The following HSPA12A variants were observed in gnomAD, a reference collection of about 807,000 sequenced individuals.
HSPA12A encodes heat shock protein family A (Hsp70) member 12A, also known as heat shock 70 kDa protein 12A.
Under a neutral mutation model 69.2 loss-of-function variants are expected in HSPA12A, and 28 were observed. That is an observed-to-expected ratio of 0.40 (90% CI 0.30 to 0.55). HSPA12A has a LOEUF of 0.55. HSPA12A is among the 20% of genes least tolerant of loss of function. The pLI is 0.38. For missense variants in HSPA12A, 686 were observed against 900.7 expected (o/e 0.76, Z 3.05); for synonymous variants, 345 against 370.5 (o/e 0.93, Z 0.79).
chr10:116,846,801 C>CT, intron 1 of HSPA12A, among the ~76,000 whole-genome samples: 1 of 152,146 alleles, frequency 6.6e-6, no homozygotes, highest in Non-Finnish European at 1.5e-5. Flanking sequence ...TCTTTTCAGA[C>CT]TTTTTTCTAT....
At chr10:116,788,883 T>TTTTTA (rs1844638267) in intron 2 of HSPA12A, among the ~76,000 whole-genome samples, 1 of 148,604 alleles carries the variant, frequency 6.7e-6, no homozygotes, top group Admixed American at 6.7e-5. Flanking sequence ...TTTTTTTTTT[T>TTTTTA]GAGACAGAGT....
At chr10:116,787,256 C>A (rs1192361578) in intron 2 of HSPA12A, among the ~76,000 whole-genome samples, 4 of 151,926 alleles carry the variant, frequency 2.6e-5, no homozygotes, top group African/African-American at 9.7e-5. Context: ...CTAGAAGGGC[C>A]TCTACCCTCT....
At chr10:116,818,097 C>T (rs983877199) in intron 2 of HSPA12A, among the ~76,000 whole-genome samples, 1 of 152,328 alleles carries the variant, frequency 6.6e-6, no homozygotes, top group African/African-American at 2.4e-5. Context: ...CTTTCCCTGG[C>T]CACACACTGC....
intron 2 of HSPA12A, among the ~76,000 whole-genome samples, chr10:116,805,574 T>C (rs1257277959): frequency 1.3e-5 from 2 of 152,050 alleles, no homozygotes; most frequent in Admixed American, 1.3e-4. Context: ...CTGTTTCCGT[T>C]GATGTTGGGC....
At chr10:116,783,248 G>A (rs1336060041) in intron 2 of HSPA12A, among the ~76,000 whole-genome samples, 1 of 152,184 alleles carries the variant, frequency 6.6e-6, no homozygotes, top group Non-Finnish European at 1.5e-5. Context: ...ATCAGGAGAG[G>A]CTTTGATGAG....
rs567708524 is a variant in HSPA12A at position 116,808,867 on chromosome 10, T to C, written c.91+26068A>G. On this transcript the variant is annotated intron_variant, in intron 2 of 12. Coordinates refer to the HSPA12A transcript ENST00000635765. ...CACCGCCGTTCCTATGTTCAGACTT[T>C]CCTACAGTAGGCTACCGTAGGGTCA... 2.6e-5 allele frequency among the ~76,000 whole-genome samples: 4 copies of C among 152,276 alleles called. No homozygotes were observed. In the South Asian group the frequency reaches 8.3e-4, roughly 32 times the overall value.
rs1845787872 is a variant in HSPA12A at position 116,840,596 on chromosome 10, A to G, written c.4-5574T>C. Among the ~76,000 whole-genome samples, 5 of 152,344 alleles carry G rather than the reference A, an allele frequency of 3.3e-5. No individual in the cohort carries two copies. The South Asian group carries it at 8.3e-4, about 25-fold the overall frequency. ...GTCCATGGTTAATAGGAATCTCAACAAGTGTTGGCTGAGAATAATTTTACA... is the reference window on the plus strand; with the variant it reads ...GTCCATGGTTAATAGGAATCTCAACGAGTGTTGGCTGAGAATAATTTTACA... On this transcript the variant is annotated intron_variant, in intron 1 of 12. Transcript: ENST00000635765.
chr10:116,760,025 A>T (rs1202133022), intron 2 of HSPA12A, among the ~76,000 whole-genome samples: 10 of 152,160 alleles, frequency 6.6e-5, no homozygotes, highest in Non-Finnish European at 1.5e-4. Flanking sequence ...TAAATTGCCC[A>T]GTCTTGGGTA....
intron 2 of HSPA12A, among the ~76,000 whole-genome samples, chr10:116,814,423 G>A (rs1845258043): frequency 6.6e-6 from 1 of 152,156 alleles, no homozygotes; most frequent in Non-Finnish European, 1.5e-5. Flanking sequence ...GCTCACCTGT[G>A]ACATATCTCA....
At chr10:116,744,568 T>G (rs561545170), upstream of HSPA12A, among the ~76,000 whole-genome samples, 1 of 152,322 alleles carries the variant, frequency 6.6e-6, no homozygotes, top group South Asian at 2.1e-4. Context: ...CAGGCCCCAG[T>G]GCTGGGGGCA....
chr10:116,691,064 G>T (rs2921969), intron 6 of HSPA12A, among the ~76,000 whole-genome samples: 79,400 of 152,036 alleles, frequency 0.52, 21,137 homozygotes, highest in Middle Eastern at 0.65. Flanking sequence ...ACTGCATTTT[G>T]TAATTCTCTT....
intron 1 of HSPA12A, among the ~76,000 whole-genome samples, chr10:116,724,819 G>C (rs916985310): frequency 6.6e-6 from 1 of 152,116 alleles, no homozygotes; most frequent in Non-Finnish European, 1.5e-5. Context: ...CCCAGCCATA[G>C]CCCTGGTCCT....
chr10:116,807,301 G>A (rs146848832), intron 2 of HSPA12A, among the ~76,000 whole-genome samples: 1 of 151,980 alleles, frequency 6.6e-6, no homozygotes, highest in East Asian at 1.9e-4. Flanking sequence ...TCAACCTAAC[G>A]GCCATAGCTC....
At position 116,811,579 on chromosome 10, in the gene HSPA12A, TAAAAAAAAAAA is replaced by T. The variant is rs60912684; in HGVS notation, c.91+23345_91+23355del. 3.7e-4 allele frequency among the ~76,000 whole-genome samples: 39 copies of T among 105,932 alleles called. 1 individual carries two copies. The highest frequency in any genetic ancestry group is 2.3e-3 in the Admixed American group (23 of 9,888). The allele number at this position is 105,932 out of a possible 152,430, so 69.5% of individuals were successfully genotyped here. A position where few individuals can be genotyped will look rare whatever the true frequency, so the allele number is the denominator to read the frequency against. ...AACTTGGATTCCTCTTTGCTTTTGT[TAAAAAAAAAAA>T]AAAAAAAAAAAAAAAGATTGGCCTT... On this transcript the variant is annotated intron_variant, in intron 2 of 12. Transcript: ENST00000635765.
intron 5 of HSPA12A, among the ~76,000 whole-genome samples, chr10:116,694,023 G>A (rs1828357798): frequency 2.6e-5 from 4 of 152,182 alleles, no homozygotes; most frequent in South Asian, 2.1e-4. Flanking sequence ...TCTAAGCATG[G>A]CACCCATTAC....
At chr10:116,801,959 G>C (rs1844966135) in intron 2 of HSPA12A, among the ~76,000 whole-genome samples, 1 of 152,140 alleles carries the variant, frequency 6.6e-6, no homozygotes, top group South Asian at 2.1e-4. Context: ...ACTTCTGTGT[G>C]AGTCTAAAAT....
intron 2 of HSPA12A, among the ~76,000 whole-genome samples, chr10:116,797,915 C>T (rs1281573906): frequency 3.3e-5 from 5 of 152,070 alleles, no homozygotes; most frequent in African/African-American, 9.7e-5. Context: ...AGGGGACAGC[C>T]AGCTTTAGCC....
intron 2 of HSPA12A, among the ~76,000 whole-genome samples, chr10:116,804,594 T>C (rs891662069): frequency 1.3e-5 from 2 of 151,990 alleles, no homozygotes; most frequent in Non-Finnish European, 2.9e-5. Context: ...TCAGGAACAT[T>C]AGTGGGAGGA....
At chr10:116,751,658 T>C (rs1256993114) in intron 2 of HSPA12A, among the ~76,000 whole-genome samples, 3 of 152,194 alleles carry the variant, frequency 2.0e-5, no homozygotes, top group Non-Finnish European at 4.4e-5. Flanking sequence ...ACAGTTCATG[T>C]GTAAATATGC....
Sources: allele counts gnomAD v4.1 joint callset (sites outside exome capture counted in the v4.1 genomes callset), GRCh38; gene constraint gnomAD v4.1.1; transcripts MANE v1.5; gene names NCBI Gene and HGNC (gene_info 2026-07-23, HGNC 2026-07-21).